CACNA1E: variants seen among roughly 807,000 people sequenced by gnomAD.
The protein encoded by CACNA1E is voltage-dependent R-type calcium channel subunit alpha-1E.
A neutral mutation model predicts 259.2 loss-of-function variants in CACNA1E; 40 were observed. The observed-to-expected ratio is 0.15, with a 90% CI of 0.12 to 0.20. The LOEUF is 0.20. Among genes scored for constraint, CACNA1E ranks in the 10% least tolerant of loss-of-function variants. The pLI, the probability that CACNA1E is intolerant of heterozygous loss-of-function variation, is 1.00. For synonymous variants in CACNA1E, 1,104 were observed against 1,138.5 expected (o/e 0.97, Z 0.61); for missense variants, 1,874 against 3,040.1 (o/e 0.62, Z 9.02).
intron 6 of CACNA1E, among the ~76,000 whole-genome samples, chr1:181,617,377 G>A (rs569555467): frequency 4.8e-4 from 73 of 151,806 alleles, no homozygotes; most frequent in African/African-American, 9.9e-4. Context: ...TAAGTCTTCC[G>A]CCAGAAAATA....
rs148951912 is a variant in CACNA1E, at chr1:181,407,423, G to C, written c.-14-5710G>C. On this transcript the variant is annotated intron_variant, in intron 1 of 11. Transcript: ENST00000524607. ...CCAACTTAGCACAACCTCTCAGGCTGACACACTGCTTTTAGGACAGTGTTT... is the reference window on the plus strand; with the variant it reads ...CCAACTTAGCACAACCTCTCAGGCTCACACACTGCTTTTAGGACAGTGTTT... Among the ~76,000 whole-genome samples the C allele has an allele frequency of 3.2e-3, 491 of 152,298 alleles. 3 individuals carry two copies. The highest frequency in any genetic ancestry group is 0.011 in the African/African-American group (478 of 41,568).
At chr1:181,620,001 AGTTT>A (rs1381921127) in intron 6 of CACNA1E, among the ~76,000 whole-genome samples, 2 of 152,150 alleles carry the variant, frequency 1.3e-5, no homozygotes, top group Non-Finnish European at 2.9e-5. Context: ...AATTCAGAGA[AGTTT>A]GTGGTGAAAA....
At chr1:181,619,498 G>A (rs1276345496) in intron 6 of CACNA1E, among the ~76,000 whole-genome samples, 1 of 152,142 alleles carries the variant, frequency 6.6e-6, no homozygotes, top group East Asian at 1.9e-4. Flanking sequence ...GAGTTAGGAA[G>A]CCTTTGGAGA....
chr1:181,366,547 C>A (rs1049788727), intron 1 of CACNA1E, among the ~76,000 whole-genome samples: 2 of 152,156 alleles, frequency 1.3e-5, no homozygotes, highest in African/African-American at 4.8e-5. Flanking sequence ...CAAGGTGAGG[C>A]CACAGTTGCA....
rs373094161 is a variant in CACNA1E, at chr1:181,755,251, C to T, written c.3843C>T (p.Cys1281=). The stretch of plus-strand genomic sequence containing the variant: ...TCTGTCCACAGGCCGTCTTCGACTG[C>T]GTAGTGACCTCCTTGAAGAATGTCT... The part of the protein sequence containing the change: ...RLPKLKAVFD[C]VVTSLKNVFN... The change falls in exon 28 of 48, where the codon TGC becomes TGT. Residue 1281 remains cysteine, a synonymous_variant. Transcript: ENST00000367573. The T allele has an allele frequency of 6.4e-5, 103 of 1,613,550 alleles. No individual in the cohort carries two copies. The highest frequency in any genetic ancestry group is 6.9e-5 in the Non-Finnish European group (81 of 1,179,660).
At chr1:181,530,122 G>A (rs140660464) in intron 3 of CACNA1E, among the ~76,000 whole-genome samples, 4 of 152,294 alleles carry the variant, frequency 2.6e-5, no homozygotes, top group African/African-American at 4.8e-5. Flanking sequence ...CTTTGCTGTG[G>A]TATTCTCATG....
rs2102927189 is a variant in CACNA1E at position 181,801,827 on chromosome 1, A to G, written c.*2993A>G. ...GTCCACCTCAGAAGACTCTTGAGTCATATATTCAGTTTCTCTTGCTAATAT... is the reference window on the plus strand; with the variant it reads ...GTCCACCTCAGAAGACTCTTGAGTCGTATATTCAGTTTCTCTTGCTAATAT... On this transcript the variant is annotated 3_prime_UTR_variant, in exon 48 of 48. Transcript: ENST00000367573. 6.6e-6 allele frequency: 1 copy of G among 152,368 alleles called. No individual in the cohort carries two copies. Among genetic ancestry groups the G allele is most frequent in the African/African-American group, 2.4e-5 (1 of 41,590 alleles). 9.4% of individuals were successfully genotyped at this position (152,368 alleles called of 1,614,324 possible).
intron 3 of CACNA1E, among the ~76,000 whole-genome samples, chr1:181,522,014 G>C (rs184110237): frequency 6.6e-6 from 1 of 152,312 alleles, no homozygotes; most frequent in East Asian, 1.9e-4. Flanking sequence ...ATGTTCAGTG[G>C]GAGGCCATTG....
chr1:181,528,987 C>G (rs1024307948), intron 3 of CACNA1E, among the ~76,000 whole-genome samples: 4 of 152,206 alleles, frequency 2.6e-5, no homozygotes, highest in African/African-American at 9.7e-5. Flanking sequence ...ATGTTAATCC[C>G]CAAGACGATG....
chr1:181,393,485 T>A (rs1656441045), intron 1 of CACNA1E, among the ~76,000 whole-genome samples: 1 of 152,072 alleles, frequency 6.6e-6, no homozygotes, highest in African/African-American at 2.4e-5. Flanking sequence ...TGAAACAGGG[T>A]CTCCCTCTGT....
intron 3 of CACNA1E, among the ~76,000 whole-genome samples, chr1:181,533,758 A>AT (rs918124420): frequency 1.3e-5 from 2 of 151,568 alleles, no homozygotes; most frequent in Non-Finnish European, 2.9e-5. Context: ...AGTTTTGGAG[A>AT]TTTTTTCCAC....
intron 1 of CACNA1E, among the ~76,000 whole-genome samples, chr1:181,318,322 C>T (rs1364837939): frequency 6.6e-6 from 1 of 152,202 alleles, no homozygotes; most frequent in Admixed American, 6.5e-5. Context: ...CTGCCTGTTC[C>T]TCCTCTGCAC....
At chr1:181,774,946 C>A (rs1281727387) in intron 37 of CACNA1E, among the ~76,000 whole-genome samples, 2 of 152,162 alleles carry the variant, frequency 1.3e-5, no homozygotes, top group Non-Finnish European at 2.9e-5. Context: ...ATGAGGAGTC[C>A]TGGGGCAGAG....
intron 44 of CACNA1E, among the ~76,000 whole-genome samples, chr1:181,791,744 G>A (rs1441940892): frequency 6.6e-6 from 1 of 152,066 alleles, no homozygotes; most frequent in East Asian, 1.9e-4. Context: ...CAGACAGCTT[G>A]TACTAAGTGA....
chr1:181,425,987 A>T (rs1659161560), intron 2 of CACNA1E, among the ~76,000 whole-genome samples: 2 of 152,144 alleles, frequency 1.3e-5, no homozygotes, highest in African/African-American at 4.8e-5. Context: ...TGATCAGGTG[A>T]TGAGGAACCT....
chr1:181,502,415 G>A (rs1407427284), intron 1 of CACNA1E, among the ~76,000 whole-genome samples: 1 of 152,144 alleles, frequency 6.6e-6, no homozygotes, highest in Non-Finnish European at 1.5e-5. Flanking sequence ...TCTCTTTTGG[G>A]CTGCCATGTC....
intron 6 of CACNA1E, among the ~76,000 whole-genome samples, chr1:181,651,073 C>T (rs1365001212): frequency 6.6e-6 from 1 of 152,188 alleles, no homozygotes; most frequent in East Asian, 1.9e-4. Context: ...TCTGACCTTT[C>T]TGTATTGTCT....
intron 3 of CACNA1E, among the ~76,000 whole-genome samples, chr1:181,534,846 G>A (rs1285154111): frequency 6.6e-6 from 1 of 152,058 alleles, no homozygotes; most frequent in African/African-American, 2.4e-5. Flanking sequence ...AAATGTAACA[G>A]ATTAAACTTA....
intron 1 of CACNA1E, among the ~76,000 whole-genome samples, chr1:181,406,568 T>G (rs1657480079): frequency 6.6e-6 from 1 of 152,152 alleles, no homozygotes. Flanking sequence ...GTTAATTTTT[T>G]TGTCTTTTTA....
Sources: gnomAD v4.1 joint callset for allele counts (sites outside exome capture counted in the v4.1 genomes callset) on GRCh38, gnomAD v4.1.1 for gene constraint, MANE v1.5 for transcripts, NCBI Gene and HGNC (gene_info 2026-07-23, HGNC 2026-07-21) for gene names.